Variants in GRIP1 observed in about 807,000 individuals in gnomAD.
The protein encoded by GRIP1 is glutamate receptor interacting protein 1.
Under a neutral mutation model 129.9 loss-of-function variants are expected in GRIP1, and 45 were observed. The observed-to-expected ratio is 0.35, with a 90% confidence interval of 0.27 to 0.44. The LOEUF (loss-of-function observed/expected upper bound fraction) is 0.44. Among genes scored for constraint, GRIP1 ranks in the 20% least tolerant of loss-of-function variants. The pLI is 1.00. For missense variants in GRIP1, 1,196 were observed against 1,396.8 expected (o/e 0.86, Z 2.29); for synonymous variants, 530 against 520.8 (o/e 1.02, Z -0.24).
intron 6 of GRIP1, among the ~76,000 whole-genome samples, 174 bp downstream of exon 6, chr12:66,517,727 G>A (rs1342974028): frequency 6.6e-6 from 1 of 152,014 alleles, no homozygotes; most frequent in Non-Finnish European, 1.5e-5. Context: ...AGAATCTAGA[G>A]GCAAACCTTT....
At chr12:66,796,166 C>CT (rs2038691470) in intron 1 of GRIP1, among the ~76,000 whole-genome samples, 1 of 152,030 alleles carries the variant, frequency 6.6e-6, no homozygotes, top group Non-Finnish European at 1.5e-5. Flanking sequence ...AGCAGTCCTG[C>CT]AAAATAAAGG....
intron 1 of GRIP1, among the ~76,000 whole-genome samples, chr12:67,019,101 A>G (rs2042828693): frequency 6.6e-6 from 1 of 152,178 alleles, no homozygotes; most frequent in African/African-American, 2.4e-5. Context: ...TGGGTTGAGA[A>G]AGGAGTAAAA....
At chr12:66,812,957 C>T (rs901333631) in intron 1 of GRIP1, among the ~76,000 whole-genome samples, 2 of 152,052 alleles carry the variant, frequency 1.3e-5, no homozygotes, top group Non-Finnish European at 2.9e-5. Context: ...GTGCCAGGCA[C>T]TATTCACACT....
intron 1 of GRIP1, among the ~76,000 whole-genome samples, chr12:66,846,760 C>G (rs2137065625): frequency 6.6e-6 from 1 of 152,206 alleles, no homozygotes; most frequent in East Asian, 1.9e-4. Flanking sequence ...TTATAATTCC[C>G]AAGAAAGGAG....
At chr12:66,714,339 T>C (rs1310769946) in intron 1 of GRIP1, among the ~76,000 whole-genome samples, 1 of 152,032 alleles carries the variant, frequency 6.6e-6, no homozygotes, top group Non-Finnish European at 1.5e-5. Context: ...TTTGAAACAC[T>C]CTAAGCACAA....
intron 1 of GRIP1, among the ~76,000 whole-genome samples, chr12:67,048,864 T>C (rs1272277716): frequency 6.6e-6 from 1 of 152,224 alleles, no homozygotes; most frequent in South Asian, 2.1e-4. Flanking sequence ...TCCACCATGA[T>C]CGTGAGGCCT....
upstream of GRIP1, among the ~76,000 whole-genome samples, chr12:66,680,839 A>G (rs1233541958): frequency 6.6e-6 from 1 of 152,186 alleles, no homozygotes; most frequent in African/African-American, 2.4e-5. Context: ...AGCCCAGTCT[A>G]TTCAAATACA....
At chr12:66,567,603 T>G (rs1471751125) in intron 2 of GRIP1, 1 of 190,230 alleles carries the variant, frequency 5.3e-6, no homozygotes, top group Non-Finnish European at 1.2e-5. Context: ...GAGATTCATA[T>G]TTTTTCTGAT....
chr12:66,565,061 C>G (rs975037315), intron 2 of GRIP1, among the ~76,000 whole-genome samples: 3 of 152,180 alleles, frequency 2.0e-5, no homozygotes, highest in African/African-American at 7.2e-5. Flanking sequence ...AATTTTCCCC[C>G]ATTCTGTAGG....
In GRIP1 at chr12:66,543,777, T is replaced by A. The variant is rs530863209; in HGVS notation, c.137-1827A>T. Among the ~76,000 whole-genome samples the A allele has an allele frequency of 7.9e-5, 12 of 152,322 alleles. No homozygotes were observed. The South Asian group carries it at 1.9e-3, about 24-fold the overall frequency. ...TTTGCCAACAAAAAGATTCTCTGCA[T>A]CTTCTTTAAATATGCAGAGTATCCT... On this transcript the variant is annotated intron_variant, in intron 2 of 24. Coordinates refer to ENST00000359742, the MANE Select transcript of GRIP1 (RefSeq NM_001366722.1).
chr12:66,465,735 C>T (rs767259609), intron 7 of GRIP1, among the ~76,000 whole-genome samples: 2 of 152,106 alleles, frequency 1.3e-5, no homozygotes, highest in Admixed American at 6.6e-5. Flanking sequence ...GGCACAATGC[C>T]GAGCATATAC....
intron 2 of GRIP1, among the ~76,000 whole-genome samples, chr12:66,559,057 C>T (rs956657050): frequency 6.6e-6 from 1 of 151,222 alleles, no homozygotes; most frequent in African/African-American, 2.4e-5. Flanking sequence ...ATACCCACAA[C>T]AGAATGAAGG....
chr12:66,531,195 C>T (rs1272588155), intron 4 of GRIP1, among the ~76,000 whole-genome samples: 1 of 145,764 alleles, frequency 6.9e-6, no homozygotes, highest in Admixed American at 6.9e-5. Context: ...GAGATCGTGC[C>T]ACTGCACTCC....
chr12:66,884,341 T>C (rs1293240428), intron 1 of GRIP1, among the ~76,000 whole-genome samples: 1 of 152,132 alleles, frequency 6.6e-6, no homozygotes, highest in Non-Finnish European at 1.5e-5. Flanking sequence ...CAGCCTCTAA[T>C]AATTATGTAA....
At chr12:66,970,669 C>T (rs1322665010) in intron 1 of GRIP1, among the ~76,000 whole-genome samples, 1 of 151,618 alleles carries the variant, frequency 6.6e-6, no homozygotes, top group Non-Finnish European at 1.5e-5. Context: ...TTATAAGGAG[C>T]CCTGTTGCTG....
intron 5 of GRIP1, among the ~76,000 whole-genome samples, chr12:66,529,035 T>G (rs542978080): frequency 6.6e-6 from 1 of 151,628 alleles, no homozygotes; most frequent in African/African-American, 2.4e-5. Context: ...AACAAACATA[T>G]GAAAAAATGC....
chr12:66,373,655 T>C (rs1159220904), intron 22 of GRIP1, among the ~76,000 whole-genome samples: 1 of 152,196 alleles, frequency 6.6e-6, no homozygotes, highest in Non-Finnish European at 1.5e-5. Context: ...AACAACTTTG[T>C]TGAAAAAGAA....
intron 14 of GRIP1, among the ~76,000 whole-genome samples, chr12:66,429,739 C>G (rs918857626): frequency 4.6e-5 from 7 of 152,028 alleles, no homozygotes; most frequent in Admixed American, 4.6e-4. Context: ...TCAAAAGGCT[C>G]TGTGTGTAAA....
chr12:66,355,634 T>G (rs1433586281), intron 23 of GRIP1, among the ~76,000 whole-genome samples: 1 of 150,648 alleles, frequency 6.6e-6, no homozygotes, highest in African/African-American at 2.4e-5. Context: ...CACTGTGTGG[T>G]TGAGAGCACC....
Sources: gnomAD v4.1 joint callset for allele counts (sites outside exome capture counted in the v4.1 genomes callset) on GRCh38, gnomAD v4.1.1 for gene constraint, MANE v1.5 for transcripts, NCBI Gene and HGNC (gene_info 2026-07-23, HGNC 2026-07-21) for gene names.